The following SPHKAP variants were observed in gnomAD, a reference collection of about 807,000 sequenced individuals.
SPHKAP encodes the protein A-kinase anchor protein SPHKAP.
Under a neutral mutation model 137.5 loss-of-function variants are expected in SPHKAP, and 67 were observed. The ratio of observed to expected loss-of-function variants is 0.49; its 90% CI spans 0.40 to 0.60. SPHKAP has a LOEUF of 0.60. Ranked by LOEUF, SPHKAP falls within the 20% of genes least tolerant of loss-of-function variation. The pLI, the probability that SPHKAP is intolerant of heterozygous loss-of-function variation, is 0.00. For synonymous variants in SPHKAP, 813 were observed against 785.3 expected (o/e 1.04, Z -0.59); for missense variants, 2,097 against 2,069.3 (o/e 1.01, Z -0.26).
At chr2:228,117,674 T>C (rs1284565036) in intron 2 of SPHKAP, among the ~76,000 whole-genome samples, 1 of 151,918 alleles carries the variant, frequency 6.6e-6, no homozygotes, top group Non-Finnish European at 1.5e-5. Context: ...TGTAAAGTTC[T>C]ATGAGTTTTG....
At chr2:228,090,658 G>A (rs1287699557) in intron 3 of SPHKAP, among the ~76,000 whole-genome samples, 1 of 152,090 alleles carries the variant, frequency 6.6e-6, no homozygotes, top group Non-Finnish European at 1.5e-5. Flanking sequence ...TTTGGTTTGG[G>A]GGCAGATTCT....
At chr2:228,047,497 G>T (rs1696109138) in intron 3 of SPHKAP, among the ~76,000 whole-genome samples, 1 of 151,706 alleles carries the variant, frequency 6.6e-6, no homozygotes, top group Non-Finnish European at 1.5e-5. Flanking sequence ...AAACAACCTG[G>T]TTCAACTCTC....
At chr2:228,158,629 T>A (rs897631391) in intron 1 of SPHKAP, among the ~76,000 whole-genome samples, 3 of 152,216 alleles carry the variant, frequency 2.0e-5, no homozygotes, top group Non-Finnish European at 4.4e-5. Flanking sequence ...TCTTAACTAG[T>A]TCACCCAAGT....
intron 2 of SPHKAP, among the ~76,000 whole-genome samples, chr2:228,110,058 C>A (rs10192681): frequency 3.3e-5 from 5 of 150,358 alleles, no homozygotes; most frequent in Non-Finnish European, 5.9e-5. Context: ...TATTAGGGTA[C>A]GTGTCTGCTA....
chr2:228,108,682 A>C, intron 3 of SPHKAP, 150 bp downstream of exon 3: 1 of 545,262 alleles, frequency 1.8e-6, no homozygotes, highest in Non-Finnish European at 3.2e-6. Flanking sequence ...TATTTTGTTA[A>C]CTGTCCATAT....
At chr2:228,131,907 G>C in intron 2 of SPHKAP, 73 bp downstream of exon 2, 2 of 1,542,034 alleles carry the variant, frequency 1.3e-6, no homozygotes, top group East Asian at 2.3e-5. Flanking sequence ...TTTAGGAAGA[G>C]TGCTTAAAAT....
intron 1 of SPHKAP, among the ~76,000 whole-genome samples, chr2:228,176,153 C>T (rs1373627313): frequency 3.9e-5 from 6 of 152,152 alleles, no homozygotes; most frequent in Non-Finnish European, 7.4e-5. Context: ...GTGACAGAAC[C>T]GGGATCTTAA....
At chr2:228,134,338 T>C (rs36191868) in intron 1 of SPHKAP, among the ~76,000 whole-genome samples, 66,000 of 152,056 alleles carry the variant, frequency 0.43, 14,701 homozygotes, top group Middle Eastern at 0.53. Context: ...CTGCCAATCC[T>C]GACCTATTCT....
At chr2:228,048,194 C>T (rs1474879141) in intron 3 of SPHKAP, among the ~76,000 whole-genome samples, 1 of 152,114 alleles carries the variant, frequency 6.6e-6, no homozygotes, top group Non-Finnish European at 1.5e-5. Context: ...TTGGAGCACC[C>T]TCAAAAGATT....
chr2:228,063,166 A>ATCTG (rs1405083236), intron 3 of SPHKAP, among the ~76,000 whole-genome samples: 42 of 142,026 alleles, frequency 3.0e-4, no homozygotes, highest in African/African-American at 1.1e-3. Flanking sequence ...CTATCTATCT[A>ATCTG]TCTATCTATC....
At chr2:228,117,297 A>G (rs1172808218) in intron 2 of SPHKAP, among the ~76,000 whole-genome samples, 1 of 152,124 alleles carries the variant, frequency 6.6e-6, no homozygotes, top group Non-Finnish European at 1.5e-5. Context: ...CGAATGAGAC[A>G]CAAATTATTA....
chr2:227,994,852 C>T (rs544958973), intron 8 of SPHKAP, among the ~76,000 whole-genome samples: 11 of 152,318 alleles, frequency 7.2e-5, no homozygotes, highest in African/African-American at 2.2e-4. Context: ...GTCATACATA[C>T]ACCCAGATGC....
At chr2:228,102,964 C>G (rs554028613) in intron 3 of SPHKAP, among the ~76,000 whole-genome samples, 1 of 152,126 alleles carries the variant, frequency 6.6e-6, no homozygotes, top group East Asian at 1.9e-4. Flanking sequence ...AGGCTGGCCT[C>G]GAACTCCTGG....
At chr2:228,115,702 C>T (rs1353967292) in intron 2 of SPHKAP, among the ~76,000 whole-genome samples, 3 of 151,998 alleles carry the variant, frequency 2.0e-5, no homozygotes, top group Admixed American at 2.0e-4. Context: ...AATAAGGGAG[C>T]ATTGAAGTAC....
chr2:228,092,196 C>T (rs1697774122), intron 3 of SPHKAP, among the ~76,000 whole-genome samples: 2 of 133,308 alleles, frequency 1.5e-5, no homozygotes, highest in African/African-American at 5.3e-5. Context: ...CATGCATACA[C>T]ATGCATACAC....
intron 1 of SPHKAP, among the ~76,000 whole-genome samples, chr2:228,146,417 A>AT (rs561497534): frequency 5.3e-5 from 8 of 151,944 alleles, no homozygotes; most frequent in Admixed American, 3.3e-4. Flanking sequence ...ACTTATTACT[A>AT]TTTTTTTTAA....
At chr2:228,152,186 G>A (rs557131182) in intron 1 of SPHKAP, among the ~76,000 whole-genome samples, 30 of 152,174 alleles carry the variant, frequency 2.0e-4, no homozygotes, top group African/African-American at 5.3e-4. Flanking sequence ...TAAAGGTTTC[G>A]GTTGTAGTAT....
intron 3 of SPHKAP, among the ~76,000 whole-genome samples, chr2:228,065,261 T>A (rs1032165247): frequency 6.6e-6 from 1 of 152,190 alleles, no homozygotes; most frequent in Non-Finnish European, 1.5e-5. Flanking sequence ...CATGTCTTTT[T>A]CCAACACACA....
At chr2:228,038,750 G>C (rs1406162263) in intron 3 of SPHKAP, among the ~76,000 whole-genome samples, 2 of 152,222 alleles carry the variant, frequency 1.3e-5, no homozygotes, top group African/African-American at 4.8e-5. Flanking sequence ...ATGGTGCCAG[G>C]CATCTGGCAG....
Sources: allele counts gnomAD v4.1 joint callset (sites outside exome capture counted in the v4.1 genomes callset), GRCh38; gene constraint gnomAD v4.1.1; transcripts MANE v1.5; gene names NCBI Gene and HGNC (gene_info 2026-07-23, HGNC 2026-07-21).